Variants in TNRC18 observed in about 807,000 individuals in gnomAD.
TNRC18 encodes the protein trinucleotide repeat containing 18, also known as trinucleotide repeat-containing gene 18 protein.
In TNRC18, 69 loss-of-function variants were observed where a neutral mutation model predicts 226.7. The observed-to-expected ratio is 0.30, with a 90% CI of 0.25 to 0.37. The LOEUF (loss-of-function observed/expected upper bound fraction) is 0.37, where lower values mean the gene tolerates loss of function less well. Among genes scored for constraint, TNRC18 ranks in the 10% least tolerant of loss-of-function variants. TNRC18 has a pLI of 1.00. For missense variants in TNRC18, 4,754 were observed against 4,256.6 expected, an observed-to-expected ratio of 1.12 and a Z score of -3.25; for synonymous variants, 2,449 against 1,927.6, an observed-to-expected ratio of 1.27 and a Z score of -7.09.
chr7:5,375,212 G>C (rs1794539522), intron 9 of TNRC18, among the ~76,000 whole-genome samples: 1 of 152,178 alleles, frequency 6.6e-6, no homozygotes, highest in African/African-American at 2.4e-5. Flanking sequence ...GGGAGGCTGA[G>C]GCAGGAGAAT....
chr7:5,403,498 A>G (rs1222368772), intron 2 of TNRC18, among the ~76,000 whole-genome samples: 1 of 149,330 alleles, frequency 6.7e-6, no homozygotes, highest in Non-Finnish European at 1.5e-5. Context: ...TCTCACAACA[A>G]CTGCATCCCA....
At chr7:5,331,657 C>T (rs1219577796) in intron 19 of TNRC18, among the ~76,000 whole-genome samples, 1 of 152,200 alleles carries the variant, frequency 6.6e-6, no homozygotes, top group African/African-American at 2.4e-5. Context: ...TGCAGTGGCT[C>T]ACGCCTGGAA....
chr7:5,401,278 T>A (rs1781071391), intron 2 of TNRC18, among the ~76,000 whole-genome samples: 1 of 151,938 alleles, frequency 6.6e-6, no homozygotes, highest in South Asian at 2.1e-4. Context: ...ATAAGTTCCT[T>A]AAACAGCAAA....
rs1410817234 is a variant in TNRC18 at position 5,388,018 on chromosome 7, C to T, written c.1806G>A (p.Val602=). ...TCTTCTTGCCACAGCCACCAGGGCG[C>T]ACGGCCACGGCGTCCCGGGCAAAGC... ...SGSFARDAVA[V]RPGGCGKKSP... is the part of the protein sequence containing the mutation. Residue 602 remains valine (V), a synonymous_variant, in exon 5 of 30, where the codon GTG becomes GTA. Transcript: ENST00000430969. The T allele has an allele frequency of 2.5e-6, 4 of 1,574,432 alleles. No homozygotes were observed. Among genetic ancestry groups the T allele is most frequent in the Non-Finnish European group, 3.4e-6 (4 of 1,160,996 alleles).
chr7:5,347,781 C>G (rs1481684101), intron 17 of TNRC18, among the ~76,000 whole-genome samples: 2 of 151,882 alleles, frequency 1.3e-5, no homozygotes, highest in African/African-American at 4.8e-5. Flanking sequence ...CTGGTGAAAC[C>G]CCATCTCTAC....
chr7:5,325,874 T>C (rs1365381877), intron 19 of TNRC18, among the ~76,000 whole-genome samples: 14 of 151,738 alleles, frequency 9.2e-5, no homozygotes, highest in Admixed American at 9.2e-4. Flanking sequence ...GTAGCTGGAC[T>C]ACAGGTGCAC....
At chr7:5,354,023 T>C (rs1792102955) in intron 16 of TNRC18, among the ~76,000 whole-genome samples, 1 of 151,934 alleles carries the variant, frequency 6.6e-6, no homozygotes, top group Non-Finnish European at 1.5e-5. Flanking sequence ...GCCAATGTGG[T>C]GAAACCCCGT....
chr7:5,423,096 C>G (rs1017914237), intron 1 of TNRC18: 1 of 151,950 alleles, frequency 6.6e-6, no homozygotes, highest in Admixed American at 6.6e-5. Context: ...TGAATTCCGG[C>G]TTTTAATTAA....
chr7:5,321,826 C>A (rs1433504856), intron 21 of TNRC18, among the ~76,000 whole-genome samples: 1 of 151,786 alleles, frequency 6.6e-6, no homozygotes, highest in African/African-American at 2.4e-5. Context: ...TGCCTGCCAC[C>A]AGGCCCGGCT....
At chr7:5,408,602 A>T (rs2128216591) in intron 2 of TNRC18, among the ~76,000 whole-genome samples, 1 of 152,292 alleles carries the variant, frequency 6.6e-6, no homozygotes, top group South Asian at 2.1e-4. Flanking sequence ...AGATCACGCC[A>T]CTGCACTCCA....
chr7:5,413,750 T>G (rs1346945303), intron 2 of TNRC18, among the ~76,000 whole-genome samples: 2 of 152,194 alleles, frequency 1.3e-5, no homozygotes, highest in Admixed American at 1.3e-4. Context: ...CAGACTTCTC[T>G]CCTAACTCCT....
chr7:5,313,028 G>A lies in TNRC18; in HGVS notation c.7863C>T (p.Ser2621=), dbSNP rs138591330. 4.6e-6 allele frequency: 4 copies of A among 871,802 alleles called. No homozygotes were observed. Among genetic ancestry groups the A allele is most frequent in the East Asian group, 2.8e-5 (1 of 35,700 alleles). The allele number at this position is 871,802 out of a possible 1,614,324, so 54.0% of individuals were successfully genotyped here. ...SPASSSSSSS[S]SSSSSSSSSS... ...ATGAGGAGGAGGAGGAGGAGGAGGA[G>A]GAGGATGAGGAGGAGGAGGAGGAGG... The change falls in exon 27 of 30, where the codon TCC becomes TCT. Residue 2621 remains serine, a synonymous_variant. Coordinates refer to ENST00000430969, the MANE Select transcript of TNRC18 (RefSeq NM_001080495.3).
At chr7:5,393,011 CA>C (rs1344612844) in intron 3 of TNRC18, among the ~76,000 whole-genome samples, 1 of 151,880 alleles carries the variant, frequency 6.6e-6, no homozygotes, top group Admixed American at 6.6e-5. Context: ...GACCCTGTCT[CA>C]AAAAAAAGGG....
chr7:5,349,559 G>C (rs1352212300), intron 17 of TNRC18, among the ~76,000 whole-genome samples: 2 of 152,206 alleles, frequency 1.3e-5, no homozygotes, highest in South Asian at 2.1e-4. Context: ...CCCGAGGAGG[G>C]AGGTGCACGG....
intron 5 of TNRC18, among the ~76,000 whole-genome samples, chr7:5,385,557 G>T (rs1053360437): frequency 6.6e-6 from 1 of 150,770 alleles, no homozygotes; most frequent in Non-Finnish European, 1.5e-5. Flanking sequence ...GGTGGCGGGT[G>T]CCTGTGACCC....
In TNRC18 at chr7:5,312,715, G is replaced by T. The variant is rs767304513; in HGVS notation, c.8176C>A (p.Pro2726Thr). The change falls in exon 27 of 30, where the codon CCC becomes ACC. Residue 2726 changes from proline (P) to threonine (T), a missense_variant. Coordinates refer to ENST00000430969, the MANE Select transcript of TNRC18 (RefSeq NM_001080495.3). This position sits in a 1 kb window ranked among gnomAD's most constrained non-coding sequence, Gnocchi z 6.3. ...GTGGGCTGCGGAGGAGGCGCCTGGG[G>T]CTGGGGCGCGGGCGTCTTCTTGCCT... ...SPGKKTPAPQ[P>T]QAPPPQPTQP... 1 of 1,574,726 alleles carries T rather than the reference G, an allele frequency of 6.4e-7. No homozygotes were observed. Among genetic ancestry groups the T allele is most frequent in the Non-Finnish European group, 8.6e-7 (1 of 1,162,934 alleles).
rs756439690 is a variant in TNRC18 at position 5,320,555 on chromosome 7, G to A, written c.6613C>T (p.Leu2205=). Reference sequence around the variant, plus strand: ...ACCGCCTCCTGCAGCAACTGCTCCAGACAGTAGATGTGGGGCCGGTTGCCC... The same window carrying A: ...ACCGCCTCCTGCAGCAACTGCTCCAAACAGTAGATGTGGGGCCGGTTGCCC... The part of the protein sequence containing the change: ...ERGNRPHIYC[L]EQLLQEAIID... The change falls in exon 23 of 30, where the codon CTG becomes TTG. Residue 2205 remains leucine (L), a synonymous_variant. Coordinates refer to ENST00000430969, the MANE Select transcript of TNRC18 (RefSeq NM_001080495.3). The A allele has an allele frequency of 1.6e-5, 26 of 1,611,346 alleles. No homozygotes were observed. The highest frequency in any genetic ancestry group is 2.0e-5 in the Non-Finnish European group (24 of 1,179,638).
rs1779110387 is a variant in TNRC18 at position 5,377,829 on chromosome 7, G to A, written c.2255+93C>T. ...TCAGTACCATAGCATCCATGGTCGA[G>A]GGGCCAAGCCCACCTGGGGTCATCC... On this transcript the variant is annotated intron_variant, in intron 6 of 29. Coordinates refer to ENST00000430969, the MANE Select transcript of TNRC18 (RefSeq NM_001080495.3). This position sits in a 1 kb window ranked among gnomAD's most constrained non-coding sequence, Gnocchi z 5.8. The A allele has an allele frequency of 6.1e-6, 8 of 1,303,172 alleles. No individual in the cohort carries two copies. The Admixed American group carries it at 1.5e-4, about 25-fold the overall frequency. The allele number at this position is 1,303,172 out of a possible 1,614,324, so 80.7% of individuals were successfully genotyped here.
In TNRC18 at chr7:5,418,718, G is replaced by A. The variant is rs150566025; in HGVS notation, c.187+2342C>T. Among the ~76,000 whole-genome samples the A allele has an allele frequency of 7.2e-5, 11 of 152,328 alleles. No homozygotes were observed. In the East Asian group the frequency reaches 1.9e-3, roughly 27 times the overall value. On this transcript the variant is annotated intron_variant, in intron 2 of 29. Coordinates refer to ENST00000430969, the MANE Select transcript of TNRC18 (RefSeq NM_001080495.3). ...AGGTGCCGACAGCCAAGGAAGAGAG[G>A]GAGGTGCGTCAGAAGGGAAAATGTA...
Sources: gnomAD v4.1 joint callset for allele counts (sites outside exome capture counted in the v4.1 genomes callset) on GRCh38, gnomAD v4.1.1 for gene constraint, Gnocchi (gnomAD v3.1) non-coding constraint, MANE v1.5 for transcripts, NCBI Gene and HGNC (gene_info 2026-07-23, HGNC 2026-07-21) for gene names.